PPP1R37: variants seen among roughly 807,000 people sequenced by gnomAD.
PPP1R37 encodes the protein protein phosphatase 1 regulatory subunit 37, also known as leucine rich repeat containing 68.
Under a neutral mutation model 61.0 loss-of-function variants are expected in PPP1R37, and 21 were observed. The observed-to-expected ratio is 0.34, with a 90% CI of 0.24 to 0.50. PPP1R37 has a LOEUF of 0.50. Among genes scored for constraint, PPP1R37 ranks in the 20% least tolerant of loss-of-function variants. The pLI is 0.98. For missense variants in PPP1R37, 910 were observed against 952.7 expected, an observed-to-expected ratio of 0.96 and a Z score of 0.59; for synonymous variants, 443 against 433.5, an observed-to-expected ratio of 1.02 and a Z score of -0.27.
At chr19:45,127,010 C>T (rs550637963) in intron 1 of PPP1R37, among the ~76,000 whole-genome samples, 69 of 152,250 alleles carry the variant, frequency 4.5e-4, no homozygotes, top group African/African-American at 1.4e-3. Context: ...AGAACTGCGT[C>T]GTTAGGTGAT....
At chr19:45,140,058 G>A (rs943401949) in intron 2 of PPP1R37, among the ~76,000 whole-genome samples, 178 bp from the exon 3 acceptor site, 1 of 152,240 alleles carries the variant, frequency 6.6e-6, no homozygotes. Flanking sequence ...TTCTCTCGCT[G>A]TCTAAGGCCC....
chr19:45,142,749 A>C, intron 7 of PPP1R37: 1 of 424,394 alleles, frequency 2.4e-6, no homozygotes, highest in Non-Finnish European at 4.3e-6. Context: ...GTGAATAATT[A>C]CAATCTGAAA....
intron 5 of PPP1R37, among the ~76,000 whole-genome samples, 159 bp downstream of exon 5, chr19:45,141,600 G>A (rs907479635): frequency 3.9e-5 from 6 of 152,136 alleles, no homozygotes; most frequent in Admixed American, 6.5e-5. Flanking sequence ...GAACAGGGCC[G>A]AGAGGTGTCC....
chr19:45,120,010 CCTT>C (rs1968319928), intron 1 of PPP1R37, among the ~76,000 whole-genome samples: 2 of 133,394 alleles, frequency 1.5e-5, no homozygotes, highest in East Asian at 2.0e-4. Context: ...TTTATTTTCC[CCTT>C]CTTTTTTTTT....
rs1599700738 is a variant in PPP1R37, at chr19:45,121,327, C to T, written c.203-17187C>T. ...GGATGAGGGACTTTCCTCCTCAGGG[C>T]GTCTGTCTCCCTGCCATGGGAGGCA... is the stretch of plus-strand genomic sequence containing the variant. On this transcript the variant is annotated intron_variant, in intron 1 of 12. Coordinates refer to ENST00000221462, the MANE Select transcript of PPP1R37 (RefSeq NM_019121.2). This position sits in a 1 kb window ranked among gnomAD's most constrained non-coding sequence, Gnocchi z 4.2. Among the ~76,000 whole-genome samples the T allele has an allele frequency of 2.6e-5, 4 of 152,234 alleles. No individual in the cohort carries two copies. The highest frequency in any genetic ancestry group is 2.6e-4 in the Admixed American group (4 of 15,286).
chr19:45,101,023 C>T (rs1968056403), intron 1 of PPP1R37, among the ~76,000 whole-genome samples: 1 of 152,210 alleles, frequency 6.6e-6, no homozygotes, highest in African/African-American at 2.4e-5. Context: ...GTGGCCGTGC[C>T]ACGTGTTACG....
At chr19:45,143,113 C>T (rs187518990) in intron 7 of PPP1R37, 28 of 172,984 alleles carry the variant, frequency 1.6e-4, no homozygotes, top group Non-Finnish European at 2.7e-4. Flanking sequence ...GGGCTCAGCT[C>T]GGAGGGAGAC....
At chr19:45,122,964 T>A (rs1968359479) in intron 1 of PPP1R37, among the ~76,000 whole-genome samples, 1 of 152,148 alleles carries the variant, frequency 6.6e-6, no homozygotes, top group Admixed American at 6.5e-5. Context: ...TCAGGCAGCC[T>A]CCTGCACCTG....
intron 1 of PPP1R37, among the ~76,000 whole-genome samples, chr19:45,102,884 C>T (rs1035380765): frequency 2.5e-4 from 38 of 152,240 alleles, no homozygotes; most frequent in African/African-American, 8.4e-4. Flanking sequence ...GAGCCCACGT[C>T]AGGCTCCTGG....
intron 1 of PPP1R37, chr19:45,136,074 T>C (rs1267229677): frequency 6.6e-6 from 1 of 152,042 alleles, no homozygotes; most frequent in Admixed American, 6.5e-5. Flanking sequence ...TGAGCCACCA[T>C]GCCTGGCCTG....
At chr19:45,127,140 A>G (rs1968415644) in intron 1 of PPP1R37, among the ~76,000 whole-genome samples, 1 of 152,114 alleles carries the variant, frequency 6.6e-6, no homozygotes. Context: ...ACCTGAGGTC[A>G]GGAGTTTGAG....
chr19:45,120,720 T>C (rs1253936690), intron 1 of PPP1R37, among the ~76,000 whole-genome samples: 1 of 152,106 alleles, frequency 6.6e-6, no homozygotes, highest in African/African-American at 2.4e-5. Context: ...CCTCCCAGGT[T>C]CAAGCGATTC....
At chr19:45,114,222 C>T (rs1014630024) in intron 1 of PPP1R37, among the ~76,000 whole-genome samples, 2 of 152,270 alleles carry the variant, frequency 1.3e-5, no homozygotes, top group African/African-American at 4.8e-5. Context: ...CCAGAATCCA[C>T]CTGGGGCCAC....
At chr19:45,143,463 C>G in intron 7 of PPP1R37, 58 bp from the exon 8 acceptor site, 1 of 1,048,718 alleles carries the variant, frequency 9.5e-7, no homozygotes, top group African/African-American at 1.6e-5. Context: ...ACCCTGCAGT[C>G]CCCTCCCCAG....
chr19:45,122,836 A>G (rs960381536), intron 1 of PPP1R37, among the ~76,000 whole-genome samples: 15 of 152,006 alleles, frequency 9.9e-5, no homozygotes, highest in African/African-American at 3.4e-4. Context: ...CAGCTCTCCC[A>G]TGTGCATGCT....
Position 45,130,226 on chromosome 19 carries a change from C to G in PPP1R37, c.203-8288C>G, listed in dbSNP as rs1035689825. On this transcript the variant is annotated intron_variant, in intron 1 of 12. Transcript: ENST00000221462. The surrounding 1 kb of genome is among the most constrained non-coding windows in gnomAD (Gnocchi z 4.4). ...CTGGTGTGCCATTCCTGACTGCCAA[C>G]CTGCACGATCAGGTCCCCTCCCCGT... Among the ~76,000 whole-genome samples, 1 of 152,178 alleles carries G rather than the reference C, an allele frequency of 6.6e-6. No homozygotes were observed. Among genetic ancestry groups the G allele is most frequent in the African/African-American group, 2.4e-5 (1 of 41,440 alleles).
chr19:45,100,189 C>T (rs905029913), intron 1 of PPP1R37: 3 of 152,234 alleles, frequency 2.0e-5, no homozygotes, highest in African/African-American at 7.2e-5. Flanking sequence ...CTTTGCTCCG[C>T]CATCCATCAC....
In PPP1R37 at chr19:45,126,431, C is replaced by T. The variant is rs186318871; in HGVS notation, c.203-12083C>T. ...AGTCACTGCTCTGTGCTGTTGGCGA[C>T]GGAGCAGGGATTGGAACCCAGGCGC... On this transcript the variant is annotated intron_variant, in intron 1 of 12. Transcript: ENST00000221462. 2.1e-3 allele frequency among the ~76,000 whole-genome samples: 326 copies of T among 152,218 alleles called. 2 individuals carry two copies. The highest frequency in any genetic ancestry group is 7.5e-3 in the African/African-American group (310 of 41,522).
chr19:45,116,018 G>A (rs1968263098), intron 1 of PPP1R37, among the ~76,000 whole-genome samples: 1 of 152,010 alleles, frequency 6.6e-6, no homozygotes, highest in African/African-American at 2.4e-5. Context: ...GGACTCGGGT[G>A]CTTAGCACAC....
Sources: allele counts gnomAD v4.1 joint callset (sites outside exome capture counted in the v4.1 genomes callset), GRCh38; gene constraint gnomAD v4.1.1; non-coding constraint Gnocchi (gnomAD v3.1); transcripts MANE v1.5; gene names NCBI Gene and HGNC (gene_info 2026-07-23, HGNC 2026-07-21).